NRG1: variants seen among roughly 807,000 people sequenced by gnomAD.
The protein encoded by NRG1 is neuregulin 1.
In NRG1, 18 loss-of-function variants were observed where a neutral mutation model predicts 63.8. That is an observed-to-expected ratio of 0.28 (90% CI 0.19 to 0.42). The LOEUF is 0.42. Among genes scored for constraint, NRG1 ranks in the 10% least tolerant of loss-of-function variants. The probability of loss-of-function intolerance (pLI) is 1.00; values close to 1 mark genes in which losing one functional copy is unlikely to be tolerated. For missense variants in NRG1, 762 were observed against 814.7 expected (o/e 0.94, Z 0.79); for synonymous variants, 302 against 301.3 (o/e 1.00, Z -0.02).
chr8:32,300,565 A>C (rs181660300), intron 1 of NRG1, among the ~76,000 whole-genome samples: 8 of 152,372 alleles, frequency 5.3e-5, no homozygotes, highest in African/African-American at 1.9e-4. Context: ...TGAGTTACAA[A>C]CATTAAACAT....
intron 1 of NRG1, among the ~76,000 whole-genome samples, chr8:32,158,255 T>C (rs1326911833): frequency 6.6e-6 from 1 of 151,830 alleles, no homozygotes; most frequent in Admixed American, 6.6e-5. Flanking sequence ...GGTCATGGCT[T>C]TCTGATGCTG....
chr8:31,685,835 G>A (rs58447601), intron 1 of NRG1, among the ~76,000 whole-genome samples: 32,914 of 151,964 alleles, frequency 0.22, 4,314 homozygotes, highest in East Asian at 0.59. Context: ...GTGTGTGTCA[G>A]TATTTTATTC....
At chr8:31,882,329 TAAAAA>T (rs745615085) in intron 1 of NRG1, among the ~76,000 whole-genome samples, 6 of 79,826 alleles carry the variant, frequency 7.5e-5, no homozygotes, top group African/African-American at 4.9e-5. Context: ...GCTCAAAAAC[TAAAAA>T]AAAAAAAAAA....
At chr8:32,154,690 T>C (rs1390806188) in intron 1 of NRG1, among the ~76,000 whole-genome samples, 1 of 152,202 alleles carries the variant, frequency 6.6e-6, no homozygotes, top group East Asian at 1.9e-4. Flanking sequence ...CAGTTAAAAA[T>C]ACAGATGCTT....
intron 1 of NRG1, among the ~76,000 whole-genome samples, chr8:32,448,575 G>T (rs1023820427): frequency 6.6e-6 from 1 of 152,132 alleles, no homozygotes; most frequent in Non-Finnish European, 1.5e-5. Context: ...CACTGGAAAT[G>T]GTTGGCCCTG....
At chr8:32,260,518 C>A (rs1233946454) in intron 1 of NRG1, among the ~76,000 whole-genome samples, 1 of 152,134 alleles carries the variant, frequency 6.6e-6, no homozygotes, top group East Asian at 1.9e-4. Flanking sequence ...TTCCCTATCC[C>A]CACTTATCCT....
chr8:31,971,982 C>T (rs1031451675), intron 1 of NRG1, among the ~76,000 whole-genome samples: 1 of 152,130 alleles, frequency 6.6e-6, no homozygotes, highest in African/African-American at 2.4e-5. Context: ...GCATTTGGAA[C>T]CTGGGTTTCC....
intron 1 of NRG1, among the ~76,000 whole-genome samples, chr8:32,124,808 T>C (rs995760879): frequency 6.6e-6 from 1 of 151,926 alleles, no homozygotes; most frequent in Non-Finnish European, 1.5e-5. Context: ...GTGTTCACAG[T>C]GGGCTGGACA....
At chr8:32,298,885 G>C (rs1460745913) in intron 1 of NRG1, among the ~76,000 whole-genome samples, 1 of 150,262 alleles carries the variant, frequency 6.7e-6, no homozygotes, top group African/African-American at 2.4e-5. Flanking sequence ...AAATTAGCTG[G>C]GGATGGTGGC....
intron 1 of NRG1, among the ~76,000 whole-genome samples, chr8:32,343,007 C>T (rs982595611): frequency 3.3e-5 from 5 of 152,210 alleles, no homozygotes; most frequent in African/African-American, 1.2e-4. Context: ...TTTTCAGAAC[C>T]CCCTGTTTTG....
intron 1 of NRG1, among the ~76,000 whole-genome samples, chr8:31,757,615 T>C (rs1481434528): frequency 6.6e-6 from 1 of 152,074 alleles, no homozygotes; most frequent in African/African-American, 2.4e-5. Flanking sequence ...AGATAAGACT[T>C]GAAGAAATCT....
intron 1 of NRG1, among the ~76,000 whole-genome samples, chr8:31,917,390 T>A (rs1398959167): frequency 6.6e-6 from 1 of 150,672 alleles, no homozygotes; most frequent in Admixed American, 6.7e-5. Context: ...GTATAAGGTG[T>A]AAGGAAGGGA....
intron 1 of NRG1, among the ~76,000 whole-genome samples, chr8:32,121,983 C>T (rs1285080991): frequency 2.0e-5 from 3 of 151,940 alleles, no homozygotes; most frequent in Non-Finnish European, 4.4e-5. Context: ...TTTCTTGCTA[C>T]TTATTTCCTT....
intron 1 of NRG1, among the ~76,000 whole-genome samples, chr8:31,983,290 CT>C (rs1246886102): frequency 6.6e-6 from 1 of 152,060 alleles, no homozygotes; most frequent in African/African-American, 2.4e-5. Flanking sequence ...TAATTTCAGA[CT>C]GCTTTTATAA....
At chr8:31,733,724 A>G (rs1407600651) in intron 1 of NRG1, among the ~76,000 whole-genome samples, 1 of 152,138 alleles carries the variant, frequency 6.6e-6, no homozygotes, top group Non-Finnish European at 1.5e-5. Context: ...TCCACATGTC[A>G]TACTTTGCAC....
chr8:31,815,348 C>T (rs1475002695), intron 1 of NRG1, among the ~76,000 whole-genome samples: 5 of 152,134 alleles, frequency 3.3e-5, no homozygotes, highest in Non-Finnish European at 7.3e-5. Flanking sequence ...GCAGTGGTAT[C>T]TCATCTTTTT....
intron 5 of NRG1, among the ~76,000 whole-genome samples, chr8:32,675,899 G>A (rs1156879678): frequency 1.3e-5 from 2 of 152,058 alleles, no homozygotes; most frequent in African/African-American, 4.8e-5. Context: ...ATTTGGCCTT[G>A]CTTGAATTTA....
chr8:32,649,710 A>G (rs1211979745), intron 5 of NRG1, among the ~76,000 whole-genome samples: 1 of 152,212 alleles, frequency 6.6e-6, no homozygotes, highest in Non-Finnish European at 1.5e-5. Flanking sequence ...GCAAAGATTT[A>G]AAGAAAAAAA....
At chr8:32,694,411 T>A (rs75932512) in intron 5 of NRG1, among the ~76,000 whole-genome samples, 2,661 of 152,286 alleles carry the variant, frequency 0.017, 85 homozygotes, top group African/African-American at 0.06. Flanking sequence ...ATTGTGTTAT[T>A]ACTAATATTT....
Sources: gnomAD v4.1 joint callset for allele counts (sites outside exome capture counted in the v4.1 genomes callset) on GRCh38, gnomAD v4.1.1 for gene constraint, MANE v1.5 for transcripts, NCBI Gene and HGNC (gene_info 2026-07-23, HGNC 2026-07-21) for gene names.